The following ZNF69 variants were observed in gnomAD, a reference collection of about 807,000 sequenced individuals.
ZNF69 encodes the protein zinc finger protein 69.
A neutral mutation model predicts 50.9 loss-of-function variants in ZNF69; 47 were observed. That is an observed-to-expected ratio of 0.92 (90% CI 0.73 to 1.18). The LOEUF (loss-of-function observed/expected upper bound fraction) is 1.18. Among genes scored for constraint, ZNF69 ranks in the 50% most tolerant of loss-of-function variants. The pLI, the probability that ZNF69 is intolerant of heterozygous loss-of-function variation, is 0.00. For synonymous variants in ZNF69, 216 were observed against 223.1 expected (o/e 0.97, Z 0.29); for missense variants, 717 against 675.1 (o/e 1.06, Z -0.69).
At chr19:11,915,455 G>A (rs1031286463), downstream of ZNF69, among the ~76,000 whole-genome samples, 2 of 152,158 alleles carry the variant, frequency 1.3e-5, no homozygotes, top group Admixed American at 1.3e-4. Flanking sequence ...CTAGACTATG[G>A]GGGTGTCTTG....
chr19:11,932,873 G>A, the ZNF69 span, among the ~76,000 whole-genome samples: 42 of 148,164 alleles, frequency 2.8e-4, no homozygotes, highest in East Asian at 7.0e-3. Flanking sequence ...TCCTGACCTC[G>A]TGATCCGCCT....
chr19:11,909,922 C>T (rs1972433048), downstream of ZNF69, among the ~76,000 whole-genome samples: 1 of 150,986 alleles, frequency 6.6e-6, no homozygotes, highest in South Asian at 2.1e-4. Flanking sequence ...TTAGAAAACC[C>T]TATCATCTCA....
At chr19:11,964,466 T>C in the ZNF69 span, among the ~76,000 whole-genome samples, 1 of 152,296 alleles carries the variant, frequency 6.6e-6, no homozygotes, top group African/African-American at 2.4e-5. Context: ...TGACAGTTTA[T>C]TTAGGTCAGA....
chr19:11,961,686 ACT>A, the ZNF69 span: 1 of 151,688 alleles, frequency 6.6e-6, no homozygotes, highest in Admixed American at 6.6e-5. Context: ...CGCGATCTCA[ACT>A]CTCTGCAACT....
At chr19:11,893,341 G>A (rs977540407) in intron 1 of ZNF69, among the ~76,000 whole-genome samples, 8 of 152,076 alleles carry the variant, frequency 5.3e-5, no homozygotes, top group East Asian at 1.9e-4. Flanking sequence ...CAATCTCCAG[G>A]GAGACTGTTT....
chr19:11,965,274 G>A, the ZNF69 span: 3 of 1,609,416 alleles, frequency 1.9e-6, no homozygotes, highest in African/African-American at 1.3e-5. Flanking sequence ...GGCCGGAACC[G>A]GCTGCGGCGG....
At chr19:11,978,996 C>T in the ZNF69 span, 2 of 1,614,178 alleles carry the variant, frequency 1.2e-6, no homozygotes, top group South Asian at 1.1e-5. Context: ...CCTTCGTAGA[C>T]ATGAAAGGAC....
rs528247746 is a variant in ZNF69 at position 11,894,761 on chromosome 19, C to T, written c.63+6775C>T. The stretch of plus-strand genomic sequence containing the variant: ...CCTCGAGATGCTCAGCTTTTCTTTC[C>T]CAGTCCCAGTTTTCGTAAGTTGGAG... On this transcript the variant is annotated intron_variant, in intron 1 of 3. Transcript: ENST00000429654. 3.9e-5 allele frequency among the ~76,000 whole-genome samples: 6 copies of T among 152,302 alleles called. No individual in the cohort carries two copies. In the South Asian group the frequency reaches 1.2e-3, roughly 32 times the overall value.
the ZNF69 span, chr19:11,980,013 C>G: frequency 8.9e-7 from 1 of 1,128,290 alleles, no homozygotes; most frequent in Non-Finnish European, 1.3e-6. Context: ...GCCTTTATTT[C>G]TTTCACTTCT....
At chr19:11,965,656 T>C in the ZNF69 span, among the ~76,000 whole-genome samples, 5 of 152,322 alleles carry the variant, frequency 3.3e-5, no homozygotes, top group South Asian at 1.0e-3. Context: ...CAAACAGCAA[T>C]TCAGTAATGA....
At chr19:11,892,284 AC>A (rs1977113486) in intron 1 of ZNF69, among the ~76,000 whole-genome samples, 1 of 152,040 alleles carries the variant, frequency 6.6e-6, no homozygotes. Context: ...CTGGCTAGCA[AC>A]TTAATTTGTT....
chr19:11,965,653 C>T, the ZNF69 span, among the ~76,000 whole-genome samples: 8 of 152,296 alleles, frequency 5.3e-5, no homozygotes, highest in South Asian at 1.7e-3. Flanking sequence ...GAGCAAACAG[C>T]AATTCAGTAA....
At chr19:11,963,861 G>A in the ZNF69 span, among the ~76,000 whole-genome samples, 3 of 152,292 alleles carry the variant, frequency 2.0e-5, no homozygotes, top group African/African-American at 7.2e-5. Context: ...CTCCAGGCCT[G>A]GAGTTGCTGC....
the ZNF69 span, chr19:11,978,227 T>C: frequency 6.2e-7 from 1 of 1,614,082 alleles, no homozygotes; most frequent in Non-Finnish European, 8.5e-7. Flanking sequence ...AAGCTTCTCC[T>C]GAAGCAAAAT....
chr19:11,942,729 A>G, the ZNF69 span, among the ~76,000 whole-genome samples: 4 of 152,148 alleles, frequency 2.6e-5, no homozygotes, highest in Admixed American at 6.6e-5. Context: ...TTCTCATACA[A>G]TGTCTGGAAT....
chr19:11,903,980 C>T lies in ZNF69; in HGVS notation c.251+15C>T, dbSNP rs751148391. The T allele has an allele frequency of 5.6e-6, 9 of 1,611,674 alleles. No homozygotes were observed. Among genetic ancestry groups the T allele is most frequent in the Non-Finnish European group, 7.6e-6 (9 of 1,178,296 alleles). ...AGAAACTTCAGGTAATTTGTACTTA[C>T]AAGACAAAGCAGTGTCTCTCTAGAC... is the stretch of plus-strand genomic sequence containing the variant. On this transcript the variant is annotated intron_variant, in intron 3 of 3. Coordinates refer to ENST00000429654, the MANE Select transcript of ZNF69 (RefSeq NM_001364730.1).
the ZNF69 span, among the ~76,000 whole-genome samples, chr19:11,967,330 C>T: frequency 6.6e-6 from 1 of 152,040 alleles, no homozygotes; most frequent in Non-Finnish European, 1.5e-5. Flanking sequence ...GAGTGAGACC[C>T]CATCTCAAAA....
intron 1 of ZNF69, among the ~76,000 whole-genome samples, chr19:11,902,350 A>G (rs895071403): frequency 6.6e-6 from 1 of 151,946 alleles, no homozygotes; most frequent in African/African-American, 2.4e-5. Flanking sequence ...TTGTTTTTCC[A>G]TTTAGCCATC....
chr19:11,957,035 T>A, the ZNF69 span, among the ~76,000 whole-genome samples: 1 of 151,930 alleles, frequency 6.6e-6, no homozygotes, highest in African/African-American at 2.4e-5. Flanking sequence ...GTTTTTGTCA[T>A]GGAGCTTTTC....
Sources: allele counts gnomAD v4.1 joint callset (sites outside exome capture counted in the v4.1 genomes callset), GRCh38; gene constraint gnomAD v4.1.1; transcripts MANE v1.5; gene names NCBI Gene and HGNC (gene_info 2026-07-23, HGNC 2026-07-21).